DAAM2: variants seen among roughly 807,000 people sequenced by gnomAD.
DAAM2 encodes dishevelled associated activator of morphogenesis 2, also known as disheveled-associated activator of morphogenesis 2.
A neutral mutation model predicts 120.7 loss-of-function variants in DAAM2; 39 were observed. The ratio of observed to expected loss-of-function variants is 0.32; its 90% CI spans 0.25 to 0.42. DAAM2 has a LOEUF of 0.42. Ranked by LOEUF, DAAM2 falls within the 10% of genes least tolerant of loss-of-function variation. DAAM2 has a pLI of 1.00. For missense variants in DAAM2, 1,283 were observed against 1,401.7 expected (o/e 0.92, Z 1.35); for synonymous variants, 488 against 524.9 (o/e 0.93, Z 0.96).
chr6:39,836,534 G>T lies in DAAM2; in HGVS notation c.-56-19713G>T, dbSNP rs533230185. ...CCAGGCAAGGTCATATTGTTAGTTG[G>T]TGGCAAAGCTGTACCTAGAACCCAG... On this transcript the variant is annotated intron_variant, in intron 1 of 24. Coordinates refer to ENST00000274867, the MANE Select transcript of DAAM2 (RefSeq NM_001201427.2). 2.6e-4 allele frequency among the ~76,000 whole-genome samples: 40 copies of T among 152,274 alleles called. No individual in the cohort carries two copies. In the South Asian group the frequency reaches 8.1e-3, roughly 31 times the overall value.
intron 1 of DAAM2, among the ~76,000 whole-genome samples, chr6:39,855,466 T>C (rs1389555855): frequency 6.6e-6 from 1 of 152,112 alleles, no homozygotes; most frequent in Non-Finnish European, 1.5e-5. Flanking sequence ...GAAAAGAAAA[T>C]CTGAGCAGAT....
chr6:39,881,972 A>T (rs964284276), intron 14 of DAAM2: 2 of 152,108 alleles, frequency 1.3e-5, no homozygotes, highest in African/African-American at 4.8e-5. Flanking sequence ...GTCCCACAGG[A>T]TGGCAGGGCT....
intron 13 of DAAM2, 48 bp from the exon 14 acceptor site, chr6:39,879,130 C>G (rs1482340046): frequency 1.6e-6 from 2 of 1,251,006 alleles, no homozygotes; most frequent in Non-Finnish European, 2.2e-6. Context: ...ACCTGAATGG[C>G]AACGGTGCTG....
chr6:39,873,391 C>A, intron 10 of DAAM2, 36 bp downstream of exon 10: 1 of 1,449,546 alleles, frequency 6.9e-7, no homozygotes, highest in Non-Finnish European at 9.6e-7. Context: ...CCTCGACTGG[C>A]CTGAACCTTG....
chr6:39,877,967 G>T (rs1180024991), intron 11 of DAAM2, among the ~76,000 whole-genome samples: 2 of 152,156 alleles, frequency 1.3e-5, no homozygotes, highest in African/African-American at 4.8e-5. Context: ...TCACAAAGGG[G>T]CCGGGTTATA....
chr6:39,900,508 T>C (rs1766414403), intron 23 of DAAM2, among the ~76,000 whole-genome samples: 1 of 152,192 alleles, frequency 6.6e-6, no homozygotes, highest in African/African-American at 2.4e-5. Context: ...AAATCAGAGA[T>C]GCTAAGTAAC....
chr6:39,900,826 G>C (rs1347683176), intron 23 of DAAM2, among the ~76,000 whole-genome samples: 1 of 152,122 alleles, frequency 6.6e-6, no homozygotes, highest in Non-Finnish European at 1.5e-5. Flanking sequence ...TCAGAACAGT[G>C]CCTGGCCTAT....
At chr6:39,806,958 T>G (rs1762026612) in intron 1 of DAAM2, among the ~76,000 whole-genome samples, 1 of 152,128 alleles carries the variant, frequency 6.6e-6, no homozygotes, top group Admixed American at 6.5e-5. Flanking sequence ...AAGGGCAATT[T>G]GACACTATCT....
rs370344889 is a variant in DAAM2 at position 39,901,947 on chromosome 6, C to T, written c.3117C>T (p.Asp1039=). The part of the protein sequence containing the change: ...ALRSGEVFDK[D]LCKLKRSRKR... ...GCTCTGGGGAGGTCTTCGACAAGGA[C>T]TTATGCAAGCTCAAGCGCAGCCGCA... Residue 1039 remains aspartate (D), a synonymous_variant, in exon 25 of 25, where the codon GAC becomes GAT. Coordinates refer to ENST00000274867, the MANE Select transcript of DAAM2 (RefSeq NM_001201427.2). This position sits in a 1 kb window ranked among gnomAD's most constrained non-coding sequence, Gnocchi z 4.5. 2 of 1,612,548 alleles carry T rather than the reference C, an allele frequency of 1.2e-6. No individual in the cohort carries two copies. The highest frequency in any genetic ancestry group is 1.7e-6 in the Non-Finnish European group (2 of 1,178,842).
chr6:39,824,891 G>A (rs772036182), intron 1 of DAAM2, among the ~76,000 whole-genome samples: 11 of 152,188 alleles, frequency 7.2e-5, no homozygotes, highest in Admixed American at 1.3e-4. Flanking sequence ...GAATAGCAGG[G>A]GGAGACACAA....
intron 1 of DAAM2, among the ~76,000 whole-genome samples, chr6:39,818,581 G>A (rs1018881929): frequency 6.6e-6 from 1 of 152,186 alleles, no homozygotes; most frequent in African/African-American, 2.4e-5. Context: ...GCATGGCCTG[G>A]CCTCCAGGGT....
chr6:39,801,700 C>G (rs1003054882), intron 1 of DAAM2, among the ~76,000 whole-genome samples: 2 of 152,170 alleles, frequency 1.3e-5, no homozygotes, highest in Non-Finnish European at 2.9e-5. Flanking sequence ...TTATGTACAC[C>G]CATTGTCCAT....
At chr6:39,829,606 G>T (rs1395361115) in intron 1 of DAAM2, among the ~76,000 whole-genome samples, 1 of 152,098 alleles carries the variant, frequency 6.6e-6, no homozygotes, top group Non-Finnish European at 1.5e-5. Context: ...ATGTCTGTGG[G>T]ATAACAAAAA....
At chr6:39,848,711 TC>T (rs1763691053) in intron 1 of DAAM2, 1 of 152,102 alleles carries the variant, frequency 6.6e-6, no homozygotes, top group Non-Finnish European at 1.5e-5. Context: ...TAAGAATAGC[TC>T]CCCCAATCCT....
At chr6:39,856,733 T>G (rs1013725219) in intron 2 of DAAM2, among the ~76,000 whole-genome samples, 2 of 152,190 alleles carry the variant, frequency 1.3e-5, no homozygotes, top group African/African-American at 4.8e-5. Flanking sequence ...AGTAATTAGG[T>G]TATCATAGGA....
At position 39,901,450 on chromosome 6, in the gene DAAM2, G is replaced by C. The variant is rs375987274; in HGVS notation, c.2960G>C (p.Arg987Pro). The C allele has an allele frequency of 6.2e-7, 1 of 1,610,152 alleles. No individual in the cohort carries two copies. ...AMRRRKEEEE[R>P]RARMEAMLKE... The stretch of plus-strand genomic sequence containing the variant: ...AGGAGGAGGAAGGAGGAGGAGGAGC[G>C]GCGGGCGCGCATGGAAGCCATGGTG... Residue 987 changes from arginine (R) to proline (P), a missense_variant, in exon 24 of 25, where the codon CGG becomes CCG. This residue lies in a region of DAAM2 where 748 missense variants were observed against 768.6 expected (regional missense o/e 0.97). Coordinates refer to ENST00000274867, the MANE Select transcript of DAAM2 (RefSeq NM_001201427.2). This position sits in a 1 kb window ranked among gnomAD's most constrained non-coding sequence, Gnocchi z 4.5.
intron 1 of DAAM2, among the ~76,000 whole-genome samples, chr6:39,817,276 A>G (rs1407195274): frequency 6.6e-6 from 1 of 152,184 alleles, no homozygotes; most frequent in Admixed American, 6.5e-5. Context: ...CTTGCCCCCT[A>G]ATGTCTTAAA....
rs756965663 is a variant in DAAM2, at chr6:39,891,693, G to A, written c.2312G>A (p.Arg771Gln). 36 of 1,606,444 alleles carry A rather than the reference G, an allele frequency of 2.2e-5. No individual in the cohort carries two copies. The highest frequency in any genetic ancestry group is 1.2e-4 in the South Asian group (11 of 89,382). ...TTCTTCAAGAAGAAATTCCAGGAGC[G>A]GCTGGCTGAGGCAAAGCCCAAAGTG... ...ALFFKKKFQE[R>Q]LAEAKPKVEA... Residue 771 changes from arginine to glutamine, a missense_variant, in exon 19 of 25, where the codon CGG becomes CAG. Around this residue, in one of 3 missense-constraint regions of DAAM2, gnomAD observed 748 missense variants for 768.6 expected, o/e 0.97. Transcript: ENST00000274867.
chr6:39,891,566 G>A, intron 18 of DAAM2, 68 bp from the exon 19 acceptor site: 5 of 1,534,164 alleles, frequency 3.3e-6, no homozygotes, highest in South Asian at 1.2e-5. Flanking sequence ...ACTGGAGCTG[G>A]CTCCGGGAGC....
Sources: gnomAD v4.1 joint callset for allele counts (sites outside exome capture counted in the v4.1 genomes callset) on GRCh38, gnomAD v4.1.1 for gene constraint, gnomAD v4.1.1 regional missense constraint, Gnocchi (gnomAD v3.1) non-coding constraint, MANE v1.5 for transcripts, NCBI Gene and HGNC (gene_info 2026-07-23, HGNC 2026-07-21) for gene names.